The following RARB variants were observed in gnomAD, a reference collection of about 807,000 sequenced individuals.
RARB encodes the protein retinoic acid receptor beta.
In RARB, 17 loss-of-function variants were observed where a neutral mutation model predicts 51.9. That is an observed-to-expected ratio of 0.33 (90% confidence interval 0.22 to 0.49). The LOEUF is 0.49. Among genes scored for constraint, RARB ranks in the 20% least tolerant of loss-of-function variants. The probability of loss-of-function intolerance (pLI) is 0.99; values close to 1 mark genes in which losing one functional copy is unlikely to be tolerated. For missense variants in RARB, 369 were observed against 550.8 expected, an observed-to-expected ratio of 0.67 and a Z score of 3.30; for synonymous variants, 215 against 195.4, an observed-to-expected ratio of 1.10 and a Z score of -0.84.
chr3:25,482,344 G>C (rs1452462381), intron 2 of RARB, among the ~76,000 whole-genome samples: 1 of 152,000 alleles, frequency 6.6e-6, no homozygotes, highest in Non-Finnish European at 1.5e-5. Flanking sequence ...TTGATCAAAA[G>C]CTTTACTTGA....
At chr3:25,099,827 A>G (rs1351558351) in intron 3 of RARB, among the ~76,000 whole-genome samples, 1 of 152,058 alleles carries the variant, frequency 6.6e-6, no homozygotes, top group East Asian at 1.9e-4. Flanking sequence ...GCTTACCTCC[A>G]TCCTGCTTTC....
At chr3:25,248,597 G>A (rs1336041052) in intron 5 of RARB, among the ~76,000 whole-genome samples, 1 of 152,010 alleles carries the variant, frequency 6.6e-6, no homozygotes, top group Non-Finnish European at 1.5e-5. Flanking sequence ...TCCAGGTGTA[G>A]GACTCCCTTA....
chr3:25,086,044 G>C (rs1008252587), intron 3 of RARB, among the ~76,000 whole-genome samples: 7 of 152,096 alleles, frequency 4.6e-5, no homozygotes, highest in Non-Finnish European at 1.0e-4. Context: ...CTATATCCCT[G>C]ATTAGTTAAT....
intron 2 of RARB, among the ~76,000 whole-genome samples, chr3:24,946,763 A>T (rs776633431): frequency 6.6e-6 from 1 of 152,100 alleles, no homozygotes; most frequent in African/African-American, 2.4e-5. Context: ...CTCCCAAGAA[A>T]CTGAGGTGGG....
At chr3:25,583,030 A>ACCAC (rs368143424) in intron 5 of RARB, among the ~76,000 whole-genome samples, 3 of 152,158 alleles carry the variant, frequency 2.0e-5, no homozygotes, top group Admixed American at 6.5e-5. Flanking sequence ...GAAACTTTCA[A>ACCAC]CCACTCCTTC....
chr3:24,903,579 C>G (rs1694769211), intron 2 of RARB, among the ~76,000 whole-genome samples: 1 of 152,048 alleles, frequency 6.6e-6, no homozygotes, highest in African/African-American at 2.4e-5. Context: ...GGTGCATGGT[C>G]CATCAAATGT....
chr3:25,133,838 A>G (rs1431427353), intron 4 of RARB, among the ~76,000 whole-genome samples: 1 of 151,848 alleles, frequency 6.6e-6, no homozygotes, highest in Non-Finnish European at 1.5e-5. Flanking sequence ...GGAGGGGGGA[A>G]GGATTTAAGA....
intron 5 of RARB, among the ~76,000 whole-genome samples, chr3:25,316,210 A>G (rs1704420580): frequency 6.6e-6 from 1 of 152,170 alleles, no homozygotes; most frequent in Non-Finnish European, 1.5e-5. Context: ...TCTTTATTAC[A>G]TATTTATGTA....
chr3:25,023,439 A>G (rs1251903767), intron 2 of RARB, among the ~76,000 whole-genome samples: 1 of 152,152 alleles, frequency 6.6e-6, no homozygotes, highest in Non-Finnish European at 1.5e-5. Flanking sequence ...TTGATTAAAT[A>G]AAGGCCTAGG....
intron 3 of RARB, among the ~76,000 whole-genome samples, chr3:25,552,971 A>G (rs1185957172): frequency 2.0e-5 from 3 of 152,142 alleles, no homozygotes; most frequent in Non-Finnish European, 2.9e-5. Context: ...GGAATTAATG[A>G]CATACCTTTT....
intron 2 of RARB, among the ~76,000 whole-genome samples, chr3:24,950,110 A>T (rs1441527519): frequency 6.6e-6 from 1 of 152,232 alleles, no homozygotes; most frequent in Non-Finnish European, 1.5e-5. Flanking sequence ...TGAATCACAA[A>T]GACTGATTTT....
chr3:25,543,700 G>T (rs1451396227), intron 3 of RARB, among the ~76,000 whole-genome samples: 5 of 152,196 alleles, frequency 3.3e-5, no homozygotes, highest in Admixed American at 6.5e-5. Context: ...GAGGGATGGT[G>T]TAATAGCCTG....
chr3:25,316,147 T>TCG (rs1704418850), intron 5 of RARB, among the ~76,000 whole-genome samples: 1 of 151,456 alleles, frequency 6.6e-6, no homozygotes, highest in African/African-American at 2.4e-5. Context: ...GCTTTTTTTA[T>TCG]GAGGCACCTT....
chr3:24,951,685 G>A (rs1004787434), intron 2 of RARB, among the ~76,000 whole-genome samples: 1 of 152,180 alleles, frequency 6.6e-6, no homozygotes, highest in Non-Finnish European at 1.5e-5. Flanking sequence ...ATATTTGAGA[G>A]AATAAAAATC....
At chr3:24,829,381 A>T (rs547571084) in exon 1 of RARB, among the ~76,000 whole-genome samples, 1 of 151,908 alleles carries the variant, frequency 6.6e-6, no homozygotes, top group African/African-American at 2.4e-5. Flanking sequence ...CGCGCCGCGG[A>T]CTCCAAGGCA....
At chr3:25,297,951 C>T (rs546723160) in intron 5 of RARB, among the ~76,000 whole-genome samples, 3 of 152,190 alleles carry the variant, frequency 2.0e-5, no homozygotes, top group Admixed American at 6.5e-5. Flanking sequence ...ATATGAGAAA[C>T]ATTAATTTTT....
At chr3:25,389,099 G>T (rs1468479538) in intron 5 of RARB, among the ~76,000 whole-genome samples, 1 of 152,146 alleles carries the variant, frequency 6.6e-6, no homozygotes, top group South Asian at 2.1e-4. Context: ...ATTTAAGTTG[G>T]CTAAAGGATA....
chr3:25,029,407 G>A (rs4482635), intron 2 of RARB, among the ~76,000 whole-genome samples: 135,169 of 152,276 alleles, frequency 0.89, 60,180 homozygotes, highest in African/African-American at 0.93. Context: ...TAAATAAATT[G>A]AGTGAATTGG....
chr3:25,164,213 G>A (rs183336395), intron 4 of RARB, among the ~76,000 whole-genome samples: 28 of 152,278 alleles, frequency 1.8e-4, no homozygotes, highest in African/African-American at 6.0e-4. Context: ...GGTGTTGGAG[G>A]ATGGTCAAGT....
Sources: gnomAD v4.1 joint callset for allele counts (sites outside exome capture counted in the v4.1 genomes callset) on GRCh38, gnomAD v4.1.1 for gene constraint, MANE v1.5 for transcripts, NCBI Gene and HGNC (gene_info 2026-07-23, HGNC 2026-07-21) for gene names.